SNTB1: variants seen among roughly 807,000 people sequenced by gnomAD.
SNTB1 encodes syntrophin beta 1.
A neutral mutation model predicts 48.9 loss-of-function variants in SNTB1; 36 were observed. The observed-to-expected ratio is 0.74, with a 90% confidence interval of 0.56 to 0.97. SNTB1 has a LOEUF of 0.97. Ranked by LOEUF, SNTB1 falls within the 50% of genes least tolerant of loss-of-function variation. The probability of loss-of-function intolerance (pLI) is 0.00; values close to 1 mark genes in which losing one functional copy is unlikely to be tolerated. For missense variants in SNTB1, 786 were observed against 703.4 expected, an observed-to-expected ratio of 1.12 and a Z score of -1.33; for synonymous variants, 299 against 294.6, an observed-to-expected ratio of 1.01 and a Z score of -0.15.
At chr8:120,644,070 G>T (rs1416412877) in intron 2 of SNTB1, among the ~76,000 whole-genome samples, 3 of 152,060 alleles carry the variant, frequency 2.0e-5, no homozygotes, top group Non-Finnish European at 4.4e-5. Flanking sequence ...CCTGTAAAAA[G>T]CCTGTTAGCA....
At chr8:120,786,281 A>C (rs1819923386) in intron 1 of SNTB1, among the ~76,000 whole-genome samples, 1 of 152,186 alleles carries the variant, frequency 6.6e-6, no homozygotes, top group South Asian at 2.1e-4. Flanking sequence ...CCTGTGAGGC[A>C]AAGGAAATCA....
At chr8:120,560,000 T>G (rs1815626335) in intron 4 of SNTB1, among the ~76,000 whole-genome samples, 1 of 151,928 alleles carries the variant, frequency 6.6e-6, no homozygotes, top group South Asian at 2.1e-4. Flanking sequence ...AATACTTTCA[T>G]CCACTGGCCA....
At chr8:120,631,619 A>G (rs923233962) in intron 3 of SNTB1, among the ~76,000 whole-genome samples, 2 of 152,192 alleles carry the variant, frequency 1.3e-5, no homozygotes, top group African/African-American at 4.8e-5. Context: ...ACTCCAGGTC[A>G]ACTTCAAGGG....
intron 1 of SNTB1, among the ~76,000 whole-genome samples, chr8:120,787,514 TA>T (rs1447537932): frequency 6.6e-6 from 1 of 152,020 alleles, no homozygotes; most frequent in Non-Finnish European, 1.5e-5. Flanking sequence ...AAAAATTTTC[TA>T]AAGAGGTACA....
At chr8:120,591,527 A>G (rs1816240330) in intron 3 of SNTB1, among the ~76,000 whole-genome samples, 1 of 152,178 alleles carries the variant, frequency 6.6e-6, no homozygotes, top group African/African-American at 2.4e-5. Context: ...TATACCTCAA[A>G]ATGTGAGGAG....
At chr8:120,639,175 C>A (rs997781939) in intron 2 of SNTB1, among the ~76,000 whole-genome samples, 9 of 152,182 alleles carry the variant, frequency 5.9e-5, no homozygotes, top group Non-Finnish European at 1.3e-4. Context: ...TGTCTGTTGG[C>A]TGCATAAATA....
chr8:120,715,454 T>G (rs982571871), intron 1 of SNTB1, among the ~76,000 whole-genome samples: 1 of 152,208 alleles, frequency 6.6e-6, no homozygotes, highest in East Asian at 1.9e-4. Flanking sequence ...CAAATTTTAG[T>G]TGACATCACA....
chr8:120,554,586 A>G (rs1815535274), intron 4 of SNTB1, among the ~76,000 whole-genome samples: 1 of 152,154 alleles, frequency 6.6e-6, no homozygotes, highest in African/African-American at 2.4e-5. Flanking sequence ...TCACTGAGTC[A>G]CCAAAAATTG....
intron 1 of SNTB1, among the ~76,000 whole-genome samples, chr8:120,801,054 G>A (rs1820217605): frequency 6.6e-6 from 1 of 152,008 alleles, no homozygotes; most frequent in South Asian, 2.1e-4. Flanking sequence ...AGAAGAGGGT[G>A]TGGAGAAAGG....
rs1815239793 is a variant in SNTB1, at chr8:120,538,873, G to A, written c.*4C>T. 3 of 1,612,070 alleles carry A rather than the reference G, an allele frequency of 1.9e-6. No individual in the cohort carries two copies. Among genetic ancestry groups the A allele is most frequent in the Non-Finnish European group, 1.7e-6 (2 of 1,178,636 alleles). ...CTTTTCTCAAAGGCAAGTCACCCCT[G>A]TCTTCAGGCCACCAAGCCCAGTCTT... On this transcript the variant is annotated 3_prime_UTR_variant, in exon 7 of 7. Coordinates refer to ENST00000517992, the MANE Select transcript of SNTB1 (RefSeq NM_021021.4).
intron 1 of SNTB1, among the ~76,000 whole-genome samples, chr8:120,755,627 A>G (rs182917119): frequency 6.6e-6 from 1 of 152,282 alleles, no homozygotes; most frequent in Admixed American, 6.5e-5. Context: ...TCACTAGAAA[A>G]CAATAATAAA....
At chr8:120,626,216 T>C (rs779049868) in intron 3 of SNTB1, among the ~76,000 whole-genome samples, 38 of 152,124 alleles carry the variant, frequency 2.5e-4, no homozygotes, top group Non-Finnish European at 4.0e-4. Context: ...AGTATGTATA[T>C]ATATATAGAG....
intron 2 of SNTB1, among the ~76,000 whole-genome samples, chr8:120,658,886 G>A (rs1469967031): frequency 6.6e-6 from 1 of 152,060 alleles, no homozygotes; most frequent in Non-Finnish European, 1.5e-5. Flanking sequence ...TTTACTGTCT[G>A]CAGAACTTTT....
chr8:120,568,302 G>T (rs1322579206), intron 4 of SNTB1, among the ~76,000 whole-genome samples: 1 of 152,118 alleles, frequency 6.6e-6, no homozygotes, highest in African/African-American at 2.4e-5. Flanking sequence ...GGGAAGCTCA[G>T]CCTGGAGCTG....
chr8:120,553,769 C>T (rs1315436875), intron 4 of SNTB1, among the ~76,000 whole-genome samples: 4 of 152,170 alleles, frequency 2.6e-5, no homozygotes, highest in Non-Finnish European at 5.9e-5. Context: ...GAAGATGAGG[C>T]AGGTGGTCAC....
intron 3 of SNTB1, among the ~76,000 whole-genome samples, chr8:120,618,693 T>C (rs182517220): frequency 3.9e-4 from 60 of 152,302 alleles, no homozygotes; most frequent in Non-Finnish European, 7.2e-4. Flanking sequence ...AAATAAAAAA[T>C]AGATTTCTGT....
intron 3 of SNTB1, among the ~76,000 whole-genome samples, chr8:120,610,738 C>T (rs905274560): frequency 1.3e-5 from 2 of 152,136 alleles, no homozygotes; most frequent in Non-Finnish European, 2.9e-5. Context: ...TCTCCCTACT[C>T]CTGAGATCTT....
chr8:120,787,261 GTTTACCTA>G (rs1179791737), intron 1 of SNTB1, among the ~76,000 whole-genome samples: 1 of 151,786 alleles, frequency 6.6e-6, no homozygotes, highest in Admixed American at 6.6e-5. Context: ...AGATGAAATA[GTTTACCTA>G]AAAAAGAAAA....
intron 3 of SNTB1, among the ~76,000 whole-genome samples, chr8:120,630,696 C>T (rs10112348): frequency 0.02 from 3,043 of 152,210 alleles, 97 homozygotes; most frequent in African/African-American, 0.071. Flanking sequence ...TCTTGCACAG[C>T]ACCTGATTTT....
Sources: allele counts gnomAD v4.1 joint callset (sites outside exome capture counted in the v4.1 genomes callset), GRCh38; gene constraint gnomAD v4.1.1; transcripts MANE v1.5; gene names NCBI Gene and HGNC (gene_info 2026-07-23, HGNC 2026-07-21).